Variants in FLNB observed in about 807,000 individuals in gnomAD.
FLNB encodes the protein filamin B, also known as filamin-B.
Under a neutral mutation model 250.6 loss-of-function variants are expected in FLNB, and 111 were observed. The observed-to-expected ratio is 0.44, with a 90% CI of 0.38 to 0.52. The LOEUF (loss-of-function observed/expected upper bound fraction) is 0.52, where lower values mean the gene tolerates loss of function less well. FLNB is among the 20% of genes least tolerant of loss of function. The probability of loss-of-function intolerance (pLI) is 0.00; values close to 1 mark genes in which losing one functional copy is unlikely to be tolerated. For missense variants in FLNB, 2,869 were observed against 3,447.8 expected (o/e 0.83, Z 4.20); for synonymous variants, 1,302 against 1,372.1 (o/e 0.95, Z 1.13).
intron 35 of FLNB, 124 bp from the exon 36 acceptor site, chr3:58,148,525 G>T: frequency 8.2e-7 from 1 of 1,212,308 alleles, no homozygotes; most frequent in Admixed American, 1.9e-5. Flanking sequence ...TGTGCATTGT[G>T]ATATCGACAC....
At chr3:58,015,589 G>T (rs978935821) in intron 1 of FLNB, among the ~76,000 whole-genome samples, 3 of 152,224 alleles carry the variant, frequency 2.0e-5, no homozygotes, top group South Asian at 2.1e-4. Flanking sequence ...CAGAGGAGAA[G>T]AGACAAGCAA....
At chr3:58,134,899 C>A in intron 27 of FLNB, 127 bp downstream of exon 27, 1 of 891,374 alleles carries the variant, frequency 1.1e-6, no homozygotes, top group Non-Finnish European at 1.8e-6. Flanking sequence ...ATTTTCCCAC[C>A]AAAGAGTCAG....
chr3:58,091,253 A>G (rs2097226763), intron 4 of FLNB, among the ~76,000 whole-genome samples: 1 of 152,220 alleles, frequency 6.6e-6, no homozygotes, highest in African/African-American at 2.4e-5. Flanking sequence ...AATTTTGAGA[A>G]AGAAGTACAA....
chr3:58,076,987 AG>A, intron 1 of FLNB, 58 bp from the exon 2 acceptor site: 1 of 1,584,874 alleles, frequency 6.3e-7, no homozygotes, highest in Non-Finnish European at 8.7e-7. Context: ...TTATATAAGG[AG>A]CATAATTTAC....
intron 25 of FLNB, chr3:58,132,536 ACAGGCAG>A: frequency 1.9e-6 from 1 of 529,664 alleles, no homozygotes; most frequent in Non-Finnish European, 3.4e-6. Flanking sequence ...AGCAGCAAGC[ACAGGCAG>A]TCTCCTTAAT....
At chr3:58,050,381 G>C (rs924940395) in intron 1 of FLNB, among the ~76,000 whole-genome samples, 3 of 152,150 alleles carry the variant, frequency 2.0e-5, no homozygotes, top group Non-Finnish European at 4.4e-5. Flanking sequence ...TCTCAGACCA[G>C]AAGTGGGGAC....
chr3:58,140,086 C>T (rs1240221643), intron 29 of FLNB, among the ~76,000 whole-genome samples: 1 of 152,188 alleles, frequency 6.6e-6, no homozygotes, highest in Non-Finnish European at 1.5e-5. Context: ...TCTTTATTCT[C>T]TCATTCCAGG....
At chr3:58,155,486 G>C (rs1428120651) in intron 40 of FLNB, among the ~76,000 whole-genome samples, 1 of 152,126 alleles carries the variant, frequency 6.6e-6, no homozygotes, top group Non-Finnish European at 1.5e-5. Flanking sequence ...CATAAGATTT[G>C]GTGACAGTAT....
intron 3 of FLNB, among the ~76,000 whole-genome samples, chr3:58,079,953 A>T (rs1044523972): frequency 1.3e-5 from 2 of 152,112 alleles, no homozygotes; most frequent in Admixed American, 6.5e-5. Context: ...TTTTGGAGTC[A>T]TGTCTCTCCT....
At chr3:58,086,942 C>G (rs2097218280) in intron 4 of FLNB, among the ~76,000 whole-genome samples, 1 of 152,032 alleles carries the variant, frequency 6.6e-6, no homozygotes. Context: ...GTGAAACCCC[C>G]TTTACCAAAA....
In FLNB at chr3:58,159,693, A is replaced by G. The variant is rs750146555; in HGVS notation, c.7021+7A>G. 6.2e-7 allele frequency: 1 copy of G among 1,612,786 alleles called. No individual in the cohort carries two copies. Among genetic ancestry groups the G allele is most frequent in the Non-Finnish European group, 8.5e-7 (1 of 1,180,002 alleles). Reference sequence around the variant, plus strand: ...GTGTCTGAGCTGGAGCCAGGTGAGCAGGAGGCCTGCTGGGGGGTCCCAGCA... The same window carrying G: ...GTGTCTGAGCTGGAGCCAGGTGAGCGGGAGGCCTGCTGGGGGGTCCCAGCA... On this transcript the variant is annotated splice_region_variant and intron_variant, in intron 42 of 45. Coordinates refer to ENST00000295956, the MANE Select transcript of FLNB (RefSeq NM_001457.4).
At chr3:58,036,050 G>A (rs772846495) in intron 1 of FLNB, among the ~76,000 whole-genome samples, 4 of 152,124 alleles carry the variant, frequency 2.6e-5, no homozygotes, top group Non-Finnish European at 5.9e-5. Flanking sequence ...GGACAGATTT[G>A]CTTTTCTTTA....
intron 33 of FLNB, 45 bp from the exon 34 acceptor site, chr3:58,146,775 G>A: frequency 1.2e-6 from 2 of 1,606,994 alleles, no homozygotes; most frequent in African/African-American, 1.3e-5. Flanking sequence ...TTAAAACAAG[G>A]CAACTCTCTC....
At chr3:58,073,809 T>G (rs2097198045) in intron 1 of FLNB, among the ~76,000 whole-genome samples, 1 of 152,216 alleles carries the variant, frequency 6.6e-6, no homozygotes, top group African/African-American at 2.4e-5. Context: ...TCCATTTCTG[T>G]GTGATTGTCC....
At chr3:58,157,903 G>A (rs915532386) in intron 41 of FLNB, among the ~76,000 whole-genome samples, 2 of 152,258 alleles carry the variant, frequency 1.3e-5, no homozygotes, top group African/African-American at 4.8e-5. Context: ...TTTGTAACCA[G>A]CTGCTGCCGC....
At chr3:58,091,438 A>C (rs555584401) in intron 4 of FLNB, among the ~76,000 whole-genome samples, 2 of 152,320 alleles carry the variant, frequency 1.3e-5, no homozygotes, top group East Asian at 3.9e-4. Flanking sequence ...ATTGGGGGAA[A>C]AAACCTTTTC....
At chr3:58,125,100 T>G (rs2097295526) in intron 22 of FLNB, among the ~76,000 whole-genome samples, 2 of 152,150 alleles carry the variant, frequency 1.3e-5, no homozygotes, top group African/African-American at 4.8e-5. Flanking sequence ...TTTGTATTAT[T>G]TAAAAGTCAG....
intron 1 of FLNB, among the ~76,000 whole-genome samples, chr3:58,022,822 CTTT>C (rs745616817): frequency 6.9e-6 from 1 of 144,728 alleles, no homozygotes. Context: ...AAATTTGCTT[CTTT>C]TTTTTTTTTT....
At chr3:58,149,818 T>C in intron 36 of FLNB, 32 bp from the exon 37 acceptor site, 1 of 1,614,182 alleles carries the variant, frequency 6.2e-7, no homozygotes, top group South Asian at 1.1e-5. Context: ...GAGGAGCTGC[T>C]GTCAGAACAG....
Sources: allele counts gnomAD v4.1 joint callset (sites outside exome capture counted in the v4.1 genomes callset), GRCh38; gene constraint gnomAD v4.1.1; transcripts MANE v1.5; gene names NCBI Gene and HGNC (gene_info 2026-07-23, HGNC 2026-07-21).